Variants in IL19 observed in about 807,000 individuals in gnomAD.
IL19 encodes interleukin 19, also known as interleukin-19.
In IL19, 15 loss-of-function variants were observed where a neutral mutation model predicts 19.5. The ratio of observed to expected loss-of-function variants is 0.77; its 90% CI spans 0.52 to 1.19. The LOEUF (loss-of-function observed/expected upper bound fraction) is 1.19. Ranked by LOEUF, IL19 falls within the 50% of genes most tolerant of loss-of-function variation. The pLI is 0.00. For synonymous variants in IL19, 78 were observed against 78.3 expected (o/e 1.00, Z 0.02); for missense variants, 199 against 213.1 (o/e 0.93, Z 0.41).
intron 2 of IL19, among the ~76,000 whole-genome samples, chr1:206,822,856 G>A (rs942328350): frequency 1.3e-5 from 2 of 152,178 alleles, no homozygotes; most frequent in Non-Finnish European, 2.9e-5. Flanking sequence ...TGACCAGGGT[G>A]GGCTCAGGTG....
chr1:206,815,395 A>G (rs1297572510), intron 2 of IL19, among the ~76,000 whole-genome samples: 2 of 152,224 alleles, frequency 1.3e-5, no homozygotes, highest in Non-Finnish European at 1.5e-5. Context: ...TAAGATGGCC[A>G]CAGAGGAAAT....
At chr1:206,841,195 T>G in intron 6 of IL19, 117 bp downstream of exon 6, 2 of 766,500 alleles carry the variant, frequency 2.6e-6, no homozygotes, top group Non-Finnish European at 4.6e-6. Flanking sequence ...GCAGCCATTG[T>G]GGGCAGGCCT....
At chr1:206,799,941 C>T (rs923856749) in intron 2 of IL19, among the ~76,000 whole-genome samples, 3 of 152,208 alleles carry the variant, frequency 2.0e-5, no homozygotes, top group Non-Finnish European at 2.9e-5. Flanking sequence ...ACAAACATCT[C>T]ATCCCCTCTC....
intron 2 of IL19, among the ~76,000 whole-genome samples, chr1:206,802,794 C>T (rs1352399312): frequency 6.6e-6 from 1 of 152,046 alleles, no homozygotes; most frequent in East Asian, 1.9e-4. Flanking sequence ...TCTATGCCCA[C>T]ATGTATAGAA....
At chr1:206,825,405 G>A (rs1032031162) in intron 2 of IL19, among the ~76,000 whole-genome samples, 2 of 152,106 alleles carry the variant, frequency 1.3e-5, no homozygotes, top group Admixed American at 1.3e-4. Context: ...TCTTTCTCCT[G>A]GCTTAATAAC....
intron 2 of IL19, among the ~76,000 whole-genome samples, chr1:206,831,883 T>C (rs535010150): frequency 1.3e-5 from 2 of 152,350 alleles, no homozygotes; most frequent in Non-Finnish European, 2.9e-5. Flanking sequence ...CTTCCTGATA[T>C]GACATATCTG....
chr1:206,795,935 G>A (rs1362882119), intron 1 of IL19, among the ~76,000 whole-genome samples: 10 of 142,468 alleles, frequency 7.0e-5, no homozygotes, highest in East Asian at 3.9e-4. Context: ...ATATGTGTGT[G>A]TGTGTGTGTG....
intron 2 of IL19, among the ~76,000 whole-genome samples, chr1:206,822,008 C>T (rs111533688): frequency 5.8e-4 from 88 of 152,272 alleles, no homozygotes; most frequent in African/African-American, 1.9e-3. Flanking sequence ...TCGTCATGTC[C>T]GTGCCCCACC....
Position 206,836,968 on chromosome 1 carries a change from A to ACC in IL19, c.156_157insCC (p.Thr53ProfsTer21). On this transcript the variant is annotated frameshift_variant, in exon 4 of 7. Transcript: ENST00000659997. LOFTEE classifies it high-confidence loss of function. ...TGTTTCCCTCCACAGCAAGCTAAGGACACCTTCCCAAATGTCACTATCCTG... is the reference window on the plus strand; with the variant it reads ...TGTTTCCCTCCACAGCAAGCTAAGGACCCACCTTCCCAAATGTCACTATCCTG... 1 of 1,613,824 alleles carries ACC rather than the reference A, an allele frequency of 6.2e-7. No individual in the cohort carries two copies. The highest frequency in any genetic ancestry group is 8.5e-7 in the Non-Finnish European group (1 of 1,179,678).
At chr1:206,833,581 T>C (rs1236301206) in intron 2 of IL19, 9 of 748,378 alleles carry the variant, frequency 1.2e-5, no homozygotes, top group Non-Finnish European at 1.5e-5. Flanking sequence ...GCCCCAAACC[T>C]GATCCCTAGA....
intron 1 of IL19, among the ~76,000 whole-genome samples, chr1:206,775,427 C>T (rs975898755): frequency 4.6e-5 from 7 of 152,104 alleles, no homozygotes; most frequent in African/African-American, 1.7e-4. Context: ...TTGATTCTTT[C>T]CCCATTGATT....
At chr1:206,784,905 C>G (rs1044240415) in intron 1 of IL19, among the ~76,000 whole-genome samples, 2 of 152,236 alleles carry the variant, frequency 1.3e-5, no homozygotes, top group Non-Finnish European at 2.9e-5. Flanking sequence ...GTACTTGGCT[C>G]CTGACGTGGG....
At chr1:206,825,195 CAAAT>C (rs1676398811) in intron 2 of IL19, among the ~76,000 whole-genome samples, 1 of 152,178 alleles carries the variant, frequency 6.6e-6, no homozygotes, top group African/African-American at 2.4e-5. Flanking sequence ...ATCAACTTCT[CAAAT>C]GAATCAGAAA....
At chr1:206,781,871 ATATATACATATATATGTATATAGT>A (rs1675142711) in intron 1 of IL19, among the ~76,000 whole-genome samples, 2 of 138,000 alleles carry the variant, frequency 1.4e-5, no homozygotes, top group Admixed American at 1.5e-4. Flanking sequence ...GTATATAGTT[ATATATACATATATATGTATATAGT>A]TATATATACA....
intron 2 of IL19, among the ~76,000 whole-genome samples, chr1:206,804,306 G>A (rs1267543964): frequency 6.6e-6 from 1 of 152,250 alleles, no homozygotes; most frequent in African/African-American, 2.4e-5. Context: ...TGTGCTGGGA[G>A]TGGGGGCTAA....
At chr1:206,815,537 T>TA (rs1191400876) in intron 2 of IL19, among the ~76,000 whole-genome samples, 1 of 152,190 alleles carries the variant, frequency 6.6e-6, no homozygotes, top group Non-Finnish European at 1.5e-5. Flanking sequence ...AATCCTGAGT[T>TA]AAAAATATTC....
At chr1:206,828,338 C>T (rs1421252042) in intron 2 of IL19, among the ~76,000 whole-genome samples, 2 of 152,210 alleles carry the variant, frequency 1.3e-5, no homozygotes, top group Non-Finnish European at 2.9e-5. Flanking sequence ...TCTGCACATT[C>T]CAAGTTTAAT....
At chr1:206,790,305 C>G (rs771549795) in intron 1 of IL19, among the ~76,000 whole-genome samples, 1 of 152,006 alleles carries the variant, frequency 6.6e-6, no homozygotes, top group African/African-American at 2.4e-5. Flanking sequence ...CATCAGGGCA[C>G]GGTCCTCTCA....
chr1:206,840,237 A>G, intron 5 of IL19: 1 of 672,320 alleles, frequency 1.5e-6, no homozygotes, highest in Non-Finnish European at 2.7e-6. Flanking sequence ...TCCTGGGGTG[A>G]CCAACTTATG....
Sources: allele counts gnomAD v4.1 joint callset (sites outside exome capture counted in the v4.1 genomes callset), GRCh38; gene constraint gnomAD v4.1.1; transcripts MANE v1.5; gene names NCBI Gene and HGNC (gene_info 2026-07-23, HGNC 2026-07-21).